AJAP1: variants seen among roughly 807,000 people sequenced by gnomAD.
The protein encoded by AJAP1 is adherens junction-associated protein 1.
In AJAP1, 5 loss-of-function variants were observed where a neutral mutation model predicts 35.0. The ratio of observed to expected loss-of-function variants is 0.14; its 90% confidence interval spans 0.07 to 0.30. The LOEUF is 0.30. AJAP1 is among the 10% of genes least tolerant of loss of function. AJAP1 has a pLI of 1.00. For missense variants in AJAP1, 586 were observed against 571.0 expected (o/e 1.03, Z -0.27); for synonymous variants, 284 against 249.3 (o/e 1.14, Z -1.31).
rs199654684 is a variant in AJAP1 at position 4,711,976 on chromosome 1, G to T, written c.106G>T (p.Val36Leu). ...WILIAMFQLAVDLPACEALGP... is the reference protein window; with the variant it reads ...WILIAMFQLALDLPACEALGP... ...ACTGATAGCCATGTTTCAGCTCGCC[G>T]TGGACCTGCCCGCCTGTGAGGCCCT... is the stretch of plus-strand genomic sequence containing the variant. The change falls in exon 2 of 6, where the codon GTG (valine) becomes TTG (leucine). Residue 36 changes from valine (V) to leucine (L), a missense_variant. By Grantham distance (32) the Val-to-Leu change is conservative. Coordinates refer to ENST00000378191, the MANE Select transcript of AJAP1 (RefSeq NM_018836.4). 5.0e-6 allele frequency: 8 copies of T among 1,587,344 alleles called. No homozygotes were observed. Among genetic ancestry groups the T allele is most frequent in the Non-Finnish European group, 6.8e-6 (8 of 1,171,362 alleles).
chr1:4,767,390 CCAT>C lies in AJAP1; in HGVS notation c.830-2455_830-2453del, dbSNP rs201436598. 4.7e-3 allele frequency among the ~76,000 whole-genome samples: 706 copies of C among 151,684 alleles called. 6 individuals are homozygous for C. Among genetic ancestry groups the C allele is most frequent in the African/African-American group, 0.015 (622 of 41,326 alleles). On this transcript the variant is annotated intron_variant, in intron 2 of 5. Coordinates refer to ENST00000378191, the MANE Select transcript of AJAP1 (RefSeq NM_018836.4). ...ATTACCATCGTCACCATCACCACCA[CCAT>C]CATCATCGTTACCACCACCAACATC...
intron 1 of AJAP1, among the ~76,000 whole-genome samples, chr1:4,691,658 G>A (rs906070723): frequency 1.3e-5 from 2 of 152,126 alleles, no homozygotes; most frequent in South Asian, 2.1e-4. Context: ...TGGCAAAAGC[G>A]ACCCACCCGC....
At chr1:4,689,650 C>T (rs1367305537) in intron 1 of AJAP1, among the ~76,000 whole-genome samples, 3 of 152,352 alleles carry the variant, frequency 2.0e-5, no homozygotes, top group African/African-American at 7.2e-5. Context: ...GGATCCGTTT[C>T]CTCCGCCTTG....
At chr1:4,748,774 AG>A (rs1211403085) in intron 2 of AJAP1, among the ~76,000 whole-genome samples, 10 of 141,558 alleles carry the variant, frequency 7.1e-5, no homozygotes, top group African/African-American at 1.6e-4. Flanking sequence ...AAAAAAAAAA[AG>A]AATGGAACCA....
intron 2 of AJAP1, among the ~76,000 whole-genome samples, chr1:4,725,361 C>T (rs372224682): frequency 3.3e-5 from 5 of 152,030 alleles, no homozygotes; most frequent in Admixed American, 1.3e-4. Flanking sequence ...TGTAGAATCC[C>T]GCATCTTCTC....
chr1:4,704,430 AG>A (rs2100251248), intron 1 of AJAP1, among the ~76,000 whole-genome samples: 1 of 150,772 alleles, frequency 6.6e-6, no homozygotes, highest in African/African-American at 2.4e-5. Flanking sequence ...TCCTTGCGAT[AG>A]TTACTGAGAA....
chr1:4,706,805 C>A (rs867873561), intron 1 of AJAP1, among the ~76,000 whole-genome samples: 1 of 152,068 alleles, frequency 6.6e-6, no homozygotes, highest in Non-Finnish European at 1.5e-5. Flanking sequence ...AATCTCAATT[C>A]ACCAAATCTT....
intron 1 of AJAP1, among the ~76,000 whole-genome samples, chr1:4,696,777 C>T (rs1262900459): frequency 1.3e-5 from 2 of 152,128 alleles, no homozygotes; most frequent in African/African-American, 4.8e-5. Context: ...TGCATTCAGG[C>T]ATATTCTGTG....
chr1:4,657,762 C>T (rs1041698886), intron 1 of AJAP1, among the ~76,000 whole-genome samples: 5 of 150,524 alleles, frequency 3.3e-5, no homozygotes, highest in Non-Finnish European at 7.4e-5. Context: ...GCCCCAGAGA[C>T]GAAGTCTGGG....
intron 2 of AJAP1, among the ~76,000 whole-genome samples, chr1:4,742,550 G>A (rs1426629862): frequency 6.6e-6 from 1 of 152,100 alleles, no homozygotes; most frequent in African/African-American, 2.4e-5. Flanking sequence ...AGGGTTGGGG[G>A]CTCTGGGGAA....
intron 2 of AJAP1, 117 bp from the exon 3 acceptor site, chr1:4,769,736 G>A (rs1407290905): frequency 1.8e-5 from 15 of 852,676 alleles, no homozygotes; most frequent in East Asian, 1.7e-4. Context: ...TCCCCGCTGC[G>A]GATGGGACCT....
rs967579755 is a variant in AJAP1 at position 4,711,894 on chromosome 1, G to C, written c.30-6G>C. Reference sequence around the variant, plus strand: ...ACCGCTCTTCTCTCCTTTCCCCCCCGCACAGCTCCATGTCCATCCGCTGGC... The same window carrying C: ...ACCGCTCTTCTCTCCTTTCCCCCCCCCACAGCTCCATGTCCATCCGCTGGC... On this transcript the variant is annotated splice_polypyrimidine_tract_variant and splice_region_variant and intron_variant, in intron 1 of 5. Coordinates refer to ENST00000378191, the MANE Select transcript of AJAP1 (RefSeq NM_018836.4). 6.8e-7 allele frequency: 1 copy of C among 1,474,016 alleles called. No homozygotes were observed. The highest frequency in any genetic ancestry group is 2.6e-5 in the Admixed American group (1 of 38,848). 91.3% of individuals were successfully genotyped at this position (1,474,016 alleles called of 1,614,324 possible).
chr1:4,665,389 GGC>G (rs1293098999), intron 1 of AJAP1, among the ~76,000 whole-genome samples: 1 of 152,088 alleles, frequency 6.6e-6, no homozygotes, highest in Non-Finnish European at 1.5e-5. Context: ...CCCGGTACTG[GGC>G]TAATTTACTG....
rs1642235965 is a variant in AJAP1 at position 4,790,797 on chromosome 1, A to G, written c.*8312A>G. On this transcript the variant is annotated 3_prime_UTR_variant, in exon 6 of 6. Coordinates refer to ENST00000378191, the MANE Select transcript of AJAP1 (RefSeq NM_018836.4). ...TTGCTTGGTGTGAAGATGGAAGAAC[A>G]AAGTCCACATCAGTTTCTGCTCCTT... 6.6e-6 allele frequency: 1 copy of G among 152,228 alleles called. No individual in the cohort carries two copies. Among genetic ancestry groups the G allele is most frequent in the African/African-American group, 2.4e-5 (1 of 41,458 alleles). The allele number at this position is 152,228 out of a possible 1,614,324, so 9.4% of individuals were successfully genotyped here.
intron 1 of AJAP1, among the ~76,000 whole-genome samples, chr1:4,682,641 C>T (rs753528160): frequency 6.6e-6 from 1 of 152,058 alleles, no homozygotes; most frequent in Non-Finnish European, 1.5e-5. Flanking sequence ...CTATGCTGAG[C>T]CCTTCGTAGG....
intron 2 of AJAP1, among the ~76,000 whole-genome samples, chr1:4,752,687 C>A (rs1424593665): frequency 1.3e-5 from 2 of 152,206 alleles, no homozygotes; most frequent in Admixed American, 6.5e-5. Context: ...TGCTCCCCTG[C>A]ATCTCTTCTG....
chr1:4,730,123 C>T (rs1289888871), intron 2 of AJAP1, among the ~76,000 whole-genome samples: 1 of 152,192 alleles, frequency 6.6e-6, no homozygotes, highest in Non-Finnish European at 1.5e-5. Context: ...CCGGATATGT[C>T]GGTATTGCCT....
chr1:4,695,194 G>A (rs1013583195), intron 1 of AJAP1, among the ~76,000 whole-genome samples: 7 of 152,190 alleles, frequency 4.6e-5, no homozygotes, highest in African/African-American at 1.4e-4. Context: ...AGCTCCTGCA[G>A]GAGGGAGGAT....
intron 2 of AJAP1, 125 bp downstream of exon 2, chr1:4,712,824 A>G: frequency 9.7e-7 from 1 of 1,031,750 alleles, no homozygotes; most frequent in African/African-American, 1.6e-5. Flanking sequence ...TGCAGGCGTG[A>G]TGTGTCCATG....
Sources: allele counts gnomAD v4.1 joint callset (sites outside exome capture counted in the v4.1 genomes callset), GRCh38; gene constraint gnomAD v4.1.1; transcripts MANE v1.5; gene names NCBI Gene and HGNC (gene_info 2026-07-23, HGNC 2026-07-21).